The following RIMS1 variants were observed in gnomAD, a reference collection of about 807,000 sequenced individuals.
RIMS1 encodes the protein regulating synaptic membrane exocytosis protein 1.
In RIMS1, 83 loss-of-function variants were observed where a neutral mutation model predicts 214.1. That is an observed-to-expected ratio of 0.39 (90% CI 0.32 to 0.47). The LOEUF (loss-of-function observed/expected upper bound fraction) is 0.47. Ranked by LOEUF, RIMS1 falls within the 20% of genes least tolerant of loss-of-function variation. The pLI, the probability that RIMS1 is intolerant of heterozygous loss-of-function variation, is 0.99. For missense variants in RIMS1, 2,050 were observed against 2,161.8 expected, an observed-to-expected ratio of 0.95 and a Z score of 1.03; for synonymous variants, 793 against 786.8, an observed-to-expected ratio of 1.01 and a Z score of -0.13.
chr6:71,890,921 C>T (rs566113999), intron 1 of RIMS1, among the ~76,000 whole-genome samples: 6 of 152,290 alleles, frequency 3.9e-5, no homozygotes, highest in Admixed American at 3.3e-4. Flanking sequence ...ACTCACATAA[C>T]ATGGTCCAAT....
intron 6 of RIMS1, among the ~76,000 whole-genome samples, chr6:72,184,214 T>C (rs934502442): frequency 3.3e-5 from 5 of 152,182 alleles, no homozygotes; most frequent in Non-Finnish European, 5.9e-5. Context: ...CCATACAGAG[T>C]GTCATTAGTG....
chr6:71,895,062 C>T (rs1018376885), intron 1 of RIMS1, among the ~76,000 whole-genome samples: 1 of 152,094 alleles, frequency 6.6e-6, no homozygotes, highest in South Asian at 2.1e-4. Flanking sequence ...TCTGTACTGT[C>T]ATATAAAAGT....
chr6:72,053,980 C>T (rs936148457), intron 2 of RIMS1, among the ~76,000 whole-genome samples: 8 of 152,014 alleles, frequency 5.3e-5, no homozygotes, highest in African/African-American at 1.7e-4. Context: ...CATAAGTATA[C>T]GTGTGCCATG....
chr6:72,028,323 A>ATTTTTTTTCCC (rs1371177361), intron 2 of RIMS1, among the ~76,000 whole-genome samples: 12 of 152,278 alleles, frequency 7.9e-5, no homozygotes, highest in African/African-American at 2.6e-4. Context: ...AAATATATAG[A>ATTTTTTTTCCC]CCTAAGAAGT....
intron 2 of RIMS1, among the ~76,000 whole-genome samples, chr6:71,985,739 A>G (rs1799751070): frequency 6.6e-6 from 1 of 152,206 alleles, no homozygotes; most frequent in African/African-American, 2.4e-5. Context: ...GACCACTGCA[A>G]ACACACTCTG....
At chr6:72,129,364 G>A (rs1050819220) in intron 4 of RIMS1, among the ~76,000 whole-genome samples, 19 of 152,108 alleles carry the variant, frequency 1.2e-4, no homozygotes, top group African/African-American at 4.6e-4. Flanking sequence ...CCATGTTTAG[G>A]ATGATGAGAT....
intron 1 of RIMS1, among the ~76,000 whole-genome samples, chr6:71,946,601 C>G (rs1222851890): frequency 6.6e-6 from 1 of 152,038 alleles, no homozygotes; most frequent in Non-Finnish European, 1.5e-5. Context: ...GAAATTAAAC[C>G]CTCATTTCAC....
chr6:72,347,987 A>G (rs1243858185), intron 29 of RIMS1, among the ~76,000 whole-genome samples: 1 of 151,952 alleles, frequency 6.6e-6, no homozygotes, highest in Non-Finnish European at 1.5e-5. Flanking sequence ...TTTAATGCAG[A>G]AGAATCTTGA....
chr6:72,091,927 C>T (rs984918457), intron 2 of RIMS1, among the ~76,000 whole-genome samples: 1 of 151,988 alleles, frequency 6.6e-6, no homozygotes, highest in African/African-American at 2.4e-5. Context: ...ATTTGCAGTC[C>T]CACATTTACT....
intron 19 of RIMS1, chr6:72,263,405 T>A: frequency 1.0e-6 from 1 of 979,648 alleles, no homozygotes; most frequent in Non-Finnish European, 1.2e-6. Context: ...ATTTCCCACA[T>A]TTTGTGGATG....
chr6:71,957,759 T>C (rs1364907876), intron 1 of RIMS1, among the ~76,000 whole-genome samples: 1 of 150,484 alleles, frequency 6.6e-6, no homozygotes, highest in African/African-American at 2.5e-5. Context: ...ATAAACTAAA[T>C]TTTTAGCCGA....
intron 29 of RIMS1, among the ~76,000 whole-genome samples, chr6:72,368,641 C>T (rs916509765): frequency 2.0e-5 from 3 of 152,004 alleles, no homozygotes; most frequent in African/African-American, 4.8e-5. Flanking sequence ...AATGAAGATG[C>T]GGTAAGCACG....
At chr6:72,184,636 A>C (rs561777814) in intron 6 of RIMS1, among the ~76,000 whole-genome samples, 2 of 152,220 alleles carry the variant, frequency 1.3e-5, no homozygotes, top group Non-Finnish European at 2.9e-5. Flanking sequence ...TGGCTTTTAA[A>C]AAATGTCAAA....
At chr6:72,096,806 A>G (rs2031891896) in intron 2 of RIMS1, 143 bp from the exon 3 acceptor site, 1 of 685,192 alleles carries the variant, frequency 1.5e-6, no homozygotes, top group Non-Finnish European at 2.5e-6. Context: ...AGGTAAGGTT[A>G]GTGGGGAAAA....
At chr6:72,368,147 A>C (rs1251425749) in intron 29 of RIMS1, among the ~76,000 whole-genome samples, 1 of 152,114 alleles carries the variant, frequency 6.6e-6, no homozygotes, top group Admixed American at 6.6e-5. Flanking sequence ...ACTGCATAAA[A>C]TGTCCTCTTA....
At position 72,233,832 on chromosome 6, in the gene RIMS1, A is replaced by G; in HGVS notation, c.1738A>G (p.Ile580Val). Residue 580 changes from isoleucine to valine, a missense_variant, in exon 7 of 34, where the codon ATT (isoleucine) becomes GTT (valine). Ile to Val is a conservative substitution (Grantham distance 29). Around this residue, in one of 6 missense-constraint regions of RIMS1, gnomAD observed 882 missense variants for 828.9 expected, o/e 1.06. Transcript: ENST00000521978. ...GTGGCACAGCCGGGAGACATCACCTATTAGTTCGGTAAGTTTTCTGGAAAG... is the reference window on the plus strand; with the variant it reads ...GTGGCACAGCCGGGAGACATCACCTGTTAGTTCGGTAAGTTTTCTGGAAAG... ...ATWHSRETSP[I>V]SSHPVTWQPS... is the part of the protein sequence containing the mutation. 1.3e-6 allele frequency: 2 copies of G among 1,576,344 alleles called. No homozygotes were observed. Among genetic ancestry groups the G allele is most frequent in the African/African-American group, 1.3e-5 (1 of 74,306 alleles).
intron 28 of RIMS1, among the ~76,000 whole-genome samples, chr6:72,314,653 TAA>T (rs1310509003): frequency 6.6e-6 from 1 of 152,160 alleles, no homozygotes; most frequent in Non-Finnish European, 1.5e-5. Context: ...TAAAAGAATA[TAA>T]AGTTCTTTAA....
chr6:72,093,210 G>GTATGTATATATATATATATATATA (rs1836769985), intron 2 of RIMS1, among the ~76,000 whole-genome samples: 1 of 56,496 alleles, frequency 1.8e-5, no homozygotes, highest in African/African-American at 4.1e-5. Flanking sequence ...ATGTATGTGA[G>GTATGTATATATATATATATATATA]TATATATATA....
intron 29 of RIMS1, among the ~76,000 whole-genome samples, chr6:72,373,166 T>C (rs1564631756): frequency 6.6e-6 from 1 of 152,236 alleles, no homozygotes; most frequent in Non-Finnish European, 1.5e-5. Context: ...CAATGCTAAG[T>C]TTCTGATCTG....
Sources: allele counts gnomAD v4.1 joint callset (sites outside exome capture counted in the v4.1 genomes callset), GRCh38; gene constraint gnomAD v4.1.1; regional missense constraint gnomAD v4.1.1; transcripts MANE v1.5; gene names NCBI Gene and HGNC (gene_info 2026-07-23, HGNC 2026-07-21).